Variants in MACROD2 observed in about 807,000 individuals in gnomAD.
MACROD2 encodes the protein mono-ADP ribosylhydrolase 2, also known as ADP-ribose glycohydrolase MACROD2.
A neutral mutation model predicts 70.4 loss-of-function variants in MACROD2; 36 were observed. That is an observed-to-expected ratio of 0.51 (90% CI 0.39 to 0.68). The LOEUF is 0.68. Among genes scored for constraint, MACROD2 ranks in the 30% least tolerant of loss-of-function variants. The pLI is 0.00. For synonymous variants in MACROD2, 172 were observed against 178.8 expected, an observed-to-expected ratio of 0.96 and a Z score of 0.30; for missense variants, 496 against 538.4, an observed-to-expected ratio of 0.92 and a Z score of 0.78.
At chr20:14,042,142 C>T (rs2053399320) in intron 2 of MACROD2, among the ~76,000 whole-genome samples, 1 of 151,998 alleles carries the variant, frequency 6.6e-6, no homozygotes, top group Non-Finnish European at 1.5e-5. Flanking sequence ...AGAAAGGAAC[C>T]ATGAACAAAA....
chr20:15,941,443 A>T (rs1229755848), intron 12 of MACROD2, among the ~76,000 whole-genome samples: 5 of 152,184 alleles, frequency 3.3e-5, no homozygotes, highest in African/African-American at 4.8e-5. Flanking sequence ...GCTTAGAACA[A>T]GTGTCTAATG....
intron 13 of MACROD2, among the ~76,000 whole-genome samples, chr20:15,968,866 G>A (rs1193694601): frequency 6.8e-6 from 1 of 147,338 alleles, no homozygotes. Flanking sequence ...GAGAGAGAGA[G>A]AGAGACTGTT....
rs993915178 is a variant in MACROD2, at chr20:15,230,309, T to C, written c.540+248T>C. Among the ~76,000 whole-genome samples the C allele has an allele frequency of 2.0e-5, 3 of 152,226 alleles. No homozygotes were observed. In the East Asian group the frequency reaches 5.8e-4, roughly 29 times the overall value. On this transcript the variant is annotated intron_variant, in intron 6 of 17. Coordinates refer to ENST00000684519, the MANE Select transcript of MACROD2 (RefSeq NM_001351661.2). Reference sequence around the variant, plus strand: ...AACTGGATTTATCTTATCTACTTTTTCCTCTTTATTTTGCCACTTACTTTC... The same window carrying C: ...AACTGGATTTATCTTATCTACTTTTCCCTCTTTATTTTGCCACTTACTTTC...
intron 3 of MACROD2, among the ~76,000 whole-genome samples, chr20:14,475,694 G>C (rs1157480893): frequency 6.6e-6 from 1 of 151,956 alleles, no homozygotes; most frequent in African/African-American, 2.4e-5. Flanking sequence ...TCTAACTCTA[G>C]CACTATGAAT....
intron 2 of MACROD2, among the ~76,000 whole-genome samples, chr20:14,078,787 AC>A (rs2053950698): frequency 6.6e-6 from 1 of 152,106 alleles, no homozygotes; most frequent in Non-Finnish European, 1.5e-5. Flanking sequence ...TTTTTCTTTC[AC>A]CTAGTAAAAA....
intron 8 of MACROD2, among the ~76,000 whole-genome samples, chr20:15,856,559 A>G (rs1274827777): frequency 6.6e-6 from 1 of 152,144 alleles, no homozygotes; most frequent in Non-Finnish European, 1.5e-5. Flanking sequence ...CCACATACCT[A>G]CATTTTAGTC....
In MACROD2 at chr20:15,128,894, A is replaced by G; in HGVS notation, c.419-101046A>G. On this transcript the variant is annotated intron_variant, in intron 5 of 17. Coordinates refer to ENST00000684519, the MANE Select transcript of MACROD2 (RefSeq NM_001351661.2). ...ATTGCTATGTCATTGAAAAGTGCTT[A>G]ATCACAGAGAGGATTACAAAATAAA... Among the ~76,000 whole-genome samples the G allele has an allele frequency of 1.3e-5, 2 of 151,608 alleles. 1 individual carries two copies. The highest frequency in any genetic ancestry group is 1.3e-4 in the Admixed American group (2 of 15,218).
intron 3 of MACROD2, among the ~76,000 whole-genome samples, chr20:14,399,270 C>A (rs1211329523): frequency 1.3e-5 from 2 of 152,120 alleles, no homozygotes; most frequent in South Asian, 2.1e-4. Context: ...ATCCATTTGC[C>A]TCGGCTTCCC....
chr20:14,194,657 G>A lies in MACROD2; in HGVS notation c.271+108929G>A, dbSNP rs565272574. On this transcript the variant is annotated intron_variant, in intron 3 of 17. Transcript: ENST00000684519. The stretch of plus-strand genomic sequence containing the variant: ...AGTCAGATGGAGCGGGGATAAGTGT[G>A]CCTTGATGCGAAGTGGGAAACCAGA... Among the ~76,000 whole-genome samples, 24 of 152,278 alleles carry A rather than the reference G, an allele frequency of 1.6e-4. No homozygotes were observed. The South Asian group carries it at 5.0e-3, about 32-fold the overall frequency.
intron 5 of MACROD2, among the ~76,000 whole-genome samples, chr20:14,815,271 T>C (rs2072760868): frequency 1.3e-5 from 2 of 152,070 alleles, no homozygotes; most frequent in South Asian, 4.1e-4. Context: ...ATTTCAACTA[T>C]GTAACAAAGT....
chr20:14,784,708 A>G (rs933228575), intron 5 of MACROD2, among the ~76,000 whole-genome samples: 1 of 146,610 alleles, frequency 6.8e-6, no homozygotes, highest in African/African-American at 2.5e-5. Context: ...CTGGATAGGG[A>G]AAACATACAC....
At chr20:14,081,163 C>T (rs994236335) in intron 2 of MACROD2, among the ~76,000 whole-genome samples, 1 of 152,182 alleles carries the variant, frequency 6.6e-6, no homozygotes, top group African/African-American at 2.4e-5. Context: ...AATTGCTCAT[C>T]CCCCACCAGG....
intron 8 of MACROD2, among the ~76,000 whole-genome samples, chr20:15,841,968 C>A (rs2064175486): frequency 6.6e-6 from 1 of 151,914 alleles, no homozygotes; most frequent in African/African-American, 2.4e-5. Flanking sequence ...AAGCAAAGAC[C>A]AGGGAAGAGA....
At chr20:14,559,811 C>A (rs1979305233) in intron 4 of MACROD2, among the ~76,000 whole-genome samples, 1 of 151,750 alleles carries the variant, frequency 6.6e-6, no homozygotes. Context: ...CTTGTACATA[C>A]CCTTTGGGAA....
chr20:15,777,475 A>G (rs2051741679), intron 8 of MACROD2, among the ~76,000 whole-genome samples: 1 of 149,712 alleles, frequency 6.7e-6, no homozygotes, highest in Non-Finnish European at 1.5e-5. Context: ...TTAGTGACAG[A>G]GCCAAGTTGA....
At chr20:15,778,535 G>T (rs2051771261) in intron 8 of MACROD2, among the ~76,000 whole-genome samples, 1 of 152,082 alleles carries the variant, frequency 6.6e-6, no homozygotes, top group Non-Finnish European at 1.5e-5. Flanking sequence ...CTGCTTCACA[G>T]ATTTTGAGGG....
chr20:15,830,594 G>A (rs1217579156), intron 8 of MACROD2, among the ~76,000 whole-genome samples: 1 of 152,198 alleles, frequency 6.6e-6, no homozygotes, highest in Non-Finnish European at 1.5e-5. Flanking sequence ...GACTCCCAAA[G>A]GGGAGTATTT....
At chr20:15,195,912 G>A (rs751347212) in intron 5 of MACROD2, among the ~76,000 whole-genome samples, 1 of 152,166 alleles carries the variant, frequency 6.6e-6, no homozygotes, top group African/African-American at 2.4e-5. Context: ...AAAAAGGAAC[G>A]AGATCTTGTC....
intron 5 of MACROD2, among the ~76,000 whole-genome samples, chr20:14,896,059 G>A (rs1405569798): frequency 6.6e-6 from 1 of 152,216 alleles, no homozygotes; most frequent in Non-Finnish European, 1.5e-5. Flanking sequence ...CACTTTGGGA[G>A]GCCGAGGCGG....
Sources: allele counts gnomAD v4.1 joint callset (sites outside exome capture counted in the v4.1 genomes callset), GRCh38; gene constraint gnomAD v4.1.1; transcripts MANE v1.5; gene names NCBI Gene and HGNC (gene_info 2026-07-23, HGNC 2026-07-21).